The following SYT12 variants were observed in gnomAD, a reference collection of about 807,000 sequenced individuals.
SYT12 encodes synaptotagmin 12.
Under a neutral mutation model 39.5 loss-of-function variants are expected in SYT12, and 27 were observed. That is an observed-to-expected ratio of 0.68 (90% CI 0.50 to 0.94). The LOEUF (loss-of-function observed/expected upper bound fraction) is 0.94, where lower values mean the gene tolerates loss of function less well. Among genes scored for constraint, SYT12 ranks in the 40% least tolerant of loss-of-function variants. SYT12 has a pLI of 0.00. For synonymous variants in SYT12, 233 were observed against 239.7 expected, an observed-to-expected ratio of 0.97 and a Z score of 0.26; for missense variants, 536 against 572.6, an observed-to-expected ratio of 0.94 and a Z score of 0.65.
chr11:67,020,770 C>T (rs186666379), upstream of SYT12, among the ~76,000 whole-genome samples: 237 of 152,310 alleles, frequency 1.6e-3, 2 homozygotes, highest in African/African-American at 5.6e-3. Flanking sequence ...TCTCTGTCGC[C>T]CAGGCTGGAG....
intron 1 of SYT12, among the ~76,000 whole-genome samples, chr11:67,008,393 T>G (rs7109580): frequency 0.025 from 3,826 of 152,304 alleles, 164 homozygotes; most frequent in African/African-American, 0.086. Context: ...TGGCTACATT[T>G]CTTCTTTTTT....
Position 67,048,660 on chromosome 11 carries a change from G to A in SYT12, c.1169G>A (p.Gly390Glu), listed in dbSNP as rs1806958795. Residue 390 changes from glycine (G) to glutamate (E), a missense_variant, in exon 8 of 8, where the codon GGG becomes GAG. Transcript: ENST00000527043. Reference protein sequence around the residue: ...RGDNVGHVIIGPSASGMGTTH... With the variant: ...RGDNVGHVIIEPSASGMGTTH... ...GACAACGTGGGCCATGTCATCATTG[G>A]GCCGTCAGCCAGTGGCATGGGAACC... is the stretch of plus-strand genomic sequence containing the variant. The A allele has an allele frequency of 6.2e-7, 1 of 1,612,910 alleles. No homozygotes were observed. The highest frequency in any genetic ancestry group is 1.1e-5 in the South Asian group (1 of 91,062).
chr11:67,017,685 C>T (rs951623556), intron 3 of SYT12, among the ~76,000 whole-genome samples: 3 of 150,994 alleles, frequency 2.0e-5, no homozygotes, highest in Admixed American at 6.6e-5. Flanking sequence ...AAAGGCCAGG[C>T]GCAGTGGCTG....
chr11:67,015,661 A>C (rs1950052175), intron 3 of SYT12, among the ~76,000 whole-genome samples: 1 of 152,198 alleles, frequency 6.6e-6, no homozygotes, highest in African/African-American at 2.4e-5. Flanking sequence ...TAGAAACAGC[A>C]TCGCCTTCAT....
At chr11:67,042,620 A>G (rs547244910) in intron 4 of SYT12, among the ~76,000 whole-genome samples, 17 of 152,278 alleles carry the variant, frequency 1.1e-4, no homozygotes, top group African/African-American at 3.6e-4. Flanking sequence ...CGCTCAGAGA[A>G]TGGCTGGTTG....
At chr11:67,021,128 T>C (rs1401429097), upstream of SYT12, among the ~76,000 whole-genome samples, 1 of 152,226 alleles carries the variant, frequency 6.6e-6, no homozygotes, top group Non-Finnish European at 1.5e-5. Flanking sequence ...ATTTGATTCA[T>C]AATGGGCATT....
At chr11:67,030,076 G>A (rs921093250) in intron 1 of SYT12, 46 bp from the exon 2 acceptor site, 18 of 1,592,954 alleles carry the variant, frequency 1.1e-5, no homozygotes, top group African/African-American at 1.1e-4. Context: ...GGAGCGGGAC[G>A]CTGACTCTCT....
At chr11:67,045,604 A>G in intron 6 of SYT12, 140 bp from the exon 7 acceptor site, 2 of 1,191,764 alleles carry the variant, frequency 1.7e-6, no homozygotes, top group South Asian at 3.1e-5. Flanking sequence ...GAAAAATAAT[A>G]AAGGACCAAT....
chr11:67,045,843 C>A lies in SYT12; in HGVS notation c.1058C>A (p.Ala353Asp). 2 of 1,613,842 alleles carry A rather than the reference C, an allele frequency of 1.2e-6. No homozygotes were observed. The highest frequency in any genetic ancestry group is 1.7e-6 in the Non-Finnish European group (2 of 1,179,906). The change falls in exon 7 of 8, where the codon GCC becomes GAC. Residue 353 changes from alanine (A) to aspartate (D), a missense_variant. Coordinates refer to ENST00000527043, the MANE Select transcript of SYT12 (RefSeq NM_177963.4). ...GACCCCAACCCGGTGTTCAACGAAG[C>A]CATGATCTTCTCGGTGCCAGCCATT... The part of the protein sequence containing the change: ...RDDPNPVFNE[A>D]MIFSVPAIVL...
chr11:67,024,715 C>T (rs1246537417), intron 1 of SYT12, among the ~76,000 whole-genome samples: 1 of 152,154 alleles, frequency 6.6e-6, no homozygotes, highest in East Asian at 1.9e-4. Context: ...GGGATGGCAG[C>T]AGGATGTGGT....
At chr11:67,038,393 G>A (rs1319022810) in intron 3 of SYT12, among the ~76,000 whole-genome samples, 1 of 151,716 alleles carries the variant, frequency 6.6e-6, no homozygotes, top group African/African-American at 2.4e-5. Context: ...TTGAACTCCT[G>A]ACCTCAGGCG....
At chr11:67,030,056 C>A in intron 1 of SYT12, 66 bp from the exon 2 acceptor site, 1 of 1,523,880 alleles carries the variant, frequency 6.6e-7, no homozygotes, top group Non-Finnish European at 9.0e-7. Flanking sequence ...TGCCAGGAGG[C>A]CAGGACCTAG....
Position 67,044,652 on chromosome 11 carries a change from C to A in SYT12, c.897C>A (p.Arg299=), listed in dbSNP as rs1031291060. The change falls in exon 6 of 8, where the codon CGC becomes CGA. Residue 299 remains arginine (R), a synonymous_variant. Coordinates refer to ENST00000527043, the MANE Select transcript of SYT12 (RefSeq NM_177963.4). ...TCAGCTACCTCCCCACAGCCGAGCG[C>A]CTCACCGTGGTCGTGGTTAAGGCCA... is the stretch of plus-strand genomic sequence containing the variant. ...LSLSYLPTAE[R]LTVVVVKAKN... 3.1e-6 allele frequency: 5 copies of A among 1,613,514 alleles called. No homozygotes were observed. In the Admixed American group the frequency reaches 5.0e-5, roughly 16 times the overall value.
chr11:67,014,428 G>T (rs1950036961), intron 3 of SYT12, among the ~76,000 whole-genome samples: 1 of 152,208 alleles, frequency 6.6e-6, no homozygotes, highest in South Asian at 2.1e-4. Flanking sequence ...GAGTATGAGG[G>T]CGGGGAACAG....
intron 5 of SYT12, 49 bp downstream of exon 5, chr11:67,043,902 A>G: frequency 6.4e-7 from 1 of 1,552,408 alleles, no homozygotes; most frequent in African/African-American, 1.4e-5. Flanking sequence ...GCACACACAT[A>G]CACTTCCAGG....
At chr11:67,029,017 C>T (rs777908745) in intron 1 of SYT12, 1 of 152,262 alleles carries the variant, frequency 6.6e-6, no homozygotes. Context: ...TCCTGGCCCT[C>T]GGTGCCCTTG....
Position 67,050,300 on chromosome 11 carries a change from T to C in SYT12, c.*1543T>C, listed in dbSNP as rs1372077831. On this transcript the variant is annotated 3_prime_UTR_variant, in exon 8 of 8. Transcript: ENST00000527043. Reference sequence around the variant, plus strand: ...GGCTGAGTGCTGGGAAGGGCTGAGCTCACCCAGGCCAGCAGGTGGGGTATC... The same window carrying C: ...GGCTGAGTGCTGGGAAGGGCTGAGCCCACCCAGGCCAGCAGGTGGGGTATC... 1 of 152,364 alleles carries C rather than the reference T, an allele frequency of 6.6e-6. No individual in the cohort carries two copies. Among genetic ancestry groups the C allele is most frequent in the South Asian group, 2.1e-4 (1 of 4,832 alleles). The allele number at this position is 152,364 out of a possible 1,614,324, so 9.4% of individuals were successfully genotyped here.
chr11:67,035,449 TTTTCTTTTC>T (rs1381776453), intron 3 of SYT12, among the ~76,000 whole-genome samples: 29 of 140,192 alleles, frequency 2.1e-4, no homozygotes, highest in African/African-American at 8.4e-4. Context: ...TTCTTTTTCT[TTTTCTTTTC>T]TTTTTTTTTT....
intron 4 of SYT12, among the ~76,000 whole-genome samples, chr11:67,041,875 G>A (rs972193546): frequency 1.3e-5 from 2 of 152,226 alleles, no homozygotes; most frequent in Non-Finnish European, 2.9e-5. Context: ...GCAGAGGGGG[G>A]AAGGGTGGAG....
Sources: gnomAD v4.1 joint callset for allele counts (sites outside exome capture counted in the v4.1 genomes callset) on GRCh38, gnomAD v4.1.1 for gene constraint, MANE v1.5 for transcripts, NCBI Gene and HGNC (gene_info 2026-07-23, HGNC 2026-07-21) for gene names.